Variants in RALGAPB observed in about 807,000 individuals in gnomAD.
The protein encoded by RALGAPB is ral GTPase-activating protein subunit beta.
RALGAPB carries 25 observed loss-of-function variants against 161.1 expected under a neutral mutation model. The observed-to-expected ratio is 0.16, with a 90% CI of 0.11 to 0.22. RALGAPB has a LOEUF of 0.22. Among genes scored for constraint, RALGAPB ranks in the 10% least tolerant of loss-of-function variants. RALGAPB has a pLI of 1.00. For synonymous variants in RALGAPB, 629 were observed against 626.1 expected (o/e 1.00, Z -0.07); for missense variants, 1,391 against 1,815.2 (o/e 0.77, Z 4.25).
intron 13 of RALGAPB, among the ~76,000 whole-genome samples, chr20:38,530,581 T>A (rs1018059515): frequency 4.0e-5 from 6 of 151,638 alleles, no homozygotes; most frequent in Non-Finnish European, 5.9e-5. Flanking sequence ...TATACTTTTT[T>A]AAATATTTCT....
intron 7 of RALGAPB, 31 bp from the exon 8 acceptor site, chr20:38,517,475 T>C (rs372971237): frequency 1.3e-6 from 2 of 1,532,008 alleles, no homozygotes; most frequent in African/African-American, 2.8e-5. Context: ...CTATGAAGAA[T>C]AATTTCATTT....
rs754030616 is a variant in RALGAPB at position 38,565,336 on chromosome 20, G to T, written c.3698-23G>T. 2.5e-6 allele frequency: 4 copies of T among 1,612,358 alleles called. No homozygotes were observed. The Admixed American group carries it at 6.7e-5, about 27-fold the overall frequency. ...TTTTCCTACTTTTTGAAGCGGTAATGTAGTGTTTCTTTTTCCCAGAAGAAG... is the reference window on the plus strand; with the variant it reads ...TTTTCCTACTTTTTGAAGCGGTAATTTAGTGTTTCTTTTTCCCAGAAGAAG... On this transcript the variant is annotated intron_variant, in intron 24 of 29. Coordinates refer to ENST00000262879, the MANE Select transcript of RALGAPB (RefSeq NM_020336.4).
intron 10 of RALGAPB, among the ~76,000 whole-genome samples, chr20:38,523,673 G>C (rs577005272): frequency 6.6e-5 from 10 of 152,318 alleles, no homozygotes; most frequent in African/African-American, 2.4e-4. Flanking sequence ...GTTCAGTTGA[G>C]AGGTGTGGGT....
intron 5 of RALGAPB, among the ~76,000 whole-genome samples, chr20:38,501,791 A>G (rs1268573828): frequency 1.3e-5 from 2 of 152,186 alleles, no homozygotes; most frequent in East Asian, 1.9e-4. Flanking sequence ...GATTTTTCTC[A>G]ATTAAAAATA....
chr20:38,510,068 TAGTA>T (rs947420205), intron 6 of RALGAPB, among the ~76,000 whole-genome samples: 1 of 152,024 alleles, frequency 6.6e-6, no homozygotes, highest in African/African-American at 2.4e-5. Flanking sequence ...TCCTTTGTAA[TAGTA>T]AGTTCTTTTA....
intron 21 of RALGAPB, among the ~76,000 whole-genome samples, chr20:38,551,780 GTTAA>G (rs2087384291): frequency 1.3e-5 from 2 of 152,094 alleles, no homozygotes; most frequent in African/African-American, 4.8e-5. Context: ...AATTTAGAGA[GTTAA>G]TTAAGATAAC....
At chr20:38,520,321 A>G (rs2123109355) in intron 9 of RALGAPB, 1 of 771,250 alleles carries the variant, frequency 1.3e-6, no homozygotes, top group African/African-American at 1.9e-5. Flanking sequence ...TCATGTTTTT[A>G]TTTTTTTCAT....
Position 38,509,126 on chromosome 20 carries a change from G to C in RALGAPB, c.790G>C (p.Asp264His). ...TTCATTTCCTGCATTTAAAGTTCCC[G>C]ATGAAGATGCCAGTCTGATCCCTCC... ...GPSFPAFKVP[D>H]EDASLIPPEM... is the part of the protein sequence containing the mutation. Residue 264 changes from aspartate (D) to histidine (H), a missense_variant, in exon 6 of 30, where the codon GAT becomes CAT. By Grantham distance (81) the Asp-to-His change is moderately conservative. Coordinates refer to ENST00000262879, the MANE Select transcript of RALGAPB (RefSeq NM_020336.4). The C allele has an allele frequency of 6.2e-7, 1 of 1,613,414 alleles. No individual in the cohort carries two copies. The highest frequency in any genetic ancestry group is 8.5e-7 in the Non-Finnish European group (1 of 1,179,334).
At chr20:38,486,062 C>T (rs941574190) in intron 1 of RALGAPB, among the ~76,000 whole-genome samples, 4 of 151,196 alleles carry the variant, frequency 2.6e-5, no homozygotes, top group Non-Finnish European at 2.9e-5. Flanking sequence ...CTCCACCTCC[C>T]GGTTTCACGT....
At chr20:38,567,295 C>T in intron 26 of RALGAPB, 63 bp downstream of exon 26, 1 of 1,560,568 alleles carries the variant, frequency 6.4e-7, no homozygotes, top group South Asian at 1.2e-5. Flanking sequence ...TTATAGAATC[C>T]TGCCTGAAAA....
chr20:38,485,888 G>T (rs955669716), intron 1 of RALGAPB, among the ~76,000 whole-genome samples: 1 of 145,062 alleles, frequency 6.9e-6, no homozygotes, highest in Non-Finnish European at 1.5e-5. Flanking sequence ...TCTGCATTTT[G>T]TTAAAGTTTA....
intron 5 of RALGAPB, chr20:38,500,126 G>A (rs1355815248): frequency 6.6e-6 from 1 of 151,772 alleles, no homozygotes; most frequent in Non-Finnish European, 1.5e-5. Flanking sequence ...TGTTTTATAA[G>A]TACACTCTTA....
intron 1 of RALGAPB, among the ~76,000 whole-genome samples, chr20:38,483,164 TAG>T (rs2085023316): frequency 6.6e-6 from 1 of 152,066 alleles, no homozygotes; most frequent in African/African-American, 2.4e-5. Context: ...GCTGGGATTA[TAG>T]GCGTGAGCCA....
chr20:38,473,103 C>A, intron 1 of RALGAPB, 34 bp downstream of exon 1: 1 of 343,288 alleles, frequency 2.9e-6, no homozygotes, highest in East Asian at 4.4e-5. Flanking sequence ...GCGGCCGGAC[C>A]CTCCCCTCTC....
At chr20:38,500,860 C>T (rs2085572555) in intron 5 of RALGAPB, among the ~76,000 whole-genome samples, 2 of 152,158 alleles carry the variant, frequency 1.3e-5, no homozygotes, top group South Asian at 4.1e-4. Context: ...GATAGGAGAT[C>T]AAACCAGTCA....
intron 3 of RALGAPB, among the ~76,000 whole-genome samples, chr20:38,493,844 G>A (rs968319078): frequency 2.6e-5 from 4 of 152,236 alleles, no homozygotes; most frequent in Non-Finnish European, 5.9e-5. Context: ...AGCATACCAT[G>A]CATGAAATGC....
In RALGAPB at chr20:38,554,205, A is replaced by G. The variant is rs542946755; in HGVS notation, c.3372+129A>G. The G allele has an allele frequency of 3.6e-5, 31 of 850,200 alleles. No individual in the cohort carries two copies. In the Admixed American group the frequency reaches 6.2e-4, roughly 17 times the overall value. 52.7% of individuals were successfully genotyped at this position (850,200 alleles called of 1,614,324 possible). ...AAAACTGGTTAAAATTTTAGCCTGC[A>G]TACAAATAAATGAAATTCTGTGCTG... On this transcript the variant is annotated intron_variant, in intron 22 of 29. Transcript: ENST00000262879.
intron 18 of RALGAPB, among the ~76,000 whole-genome samples, chr20:38,542,807 G>A (rs1237974733): frequency 2.0e-5 from 3 of 150,092 alleles, no homozygotes; most frequent in East Asian, 2.0e-4. Flanking sequence ...CCCAGGACAC[G>A]GAGGTTGCAG....
chr20:38,561,510 C>T (rs1353136401), intron 23 of RALGAPB, among the ~76,000 whole-genome samples: 3 of 152,144 alleles, frequency 2.0e-5, no homozygotes, highest in Non-Finnish European at 4.4e-5. Context: ...GCATCACAGT[C>T]ATTTGGAGGA....
Sources: gnomAD v4.1 joint callset for allele counts (sites outside exome capture counted in the v4.1 genomes callset) on GRCh38, gnomAD v4.1.1 for gene constraint, MANE v1.5 for transcripts, NCBI Gene and HGNC (gene_info 2026-07-23, HGNC 2026-07-21) for gene names.